Variants in PPARG observed in about 807,000 individuals in gnomAD.
The protein encoded by PPARG is peroxisome proliferator activated receptor gamma.
In PPARG, 17 loss-of-function variants were observed where a neutral mutation model predicts 39.2. The observed-to-expected ratio is 0.43, with a 90% CI of 0.30 to 0.65. PPARG has a LOEUF of 0.65. PPARG is among the 30% of genes least tolerant of loss of function. The pLI, the probability that PPARG is intolerant of heterozygous loss-of-function variation, is 0.13. For synonymous variants in PPARG, 223 were observed against 215.7 expected (o/e 1.03, Z -0.30); for missense variants, 406 against 585.9 (o/e 0.69, Z 3.17).
chr3:12,392,770 A>G lies in PPARG; in HGVS notation c.529+18A>G, dbSNP rs200627174. On this transcript the variant is annotated intron_variant, in intron 5 of 7. Transcript: ENST00000651735. ...TCATAATGGTAAGTAAACAGTCATCACCATATACTTTATTATTCTCATTAT... is the reference window on the plus strand; with the variant it reads ...TCATAATGGTAAGTAAACAGTCATCGCCATATACTTTATTATTCTCATTAT... 10 of 1,613,390 alleles carry G rather than the reference A, an allele frequency of 6.2e-6. No individual in the cohort carries two copies. The highest frequency in any genetic ancestry group is 2.2e-5 in the East Asian group (1 of 44,834).
chr3:12,410,953 C>A (rs1348413235), intron 6 of PPARG, among the ~76,000 whole-genome samples: 1 of 152,154 alleles, frequency 6.6e-6, no homozygotes, highest in Non-Finnish European at 1.5e-5. Context: ...GCAGAATCCT[C>A]AGAGAAAGGG....
intron 1 of PPARG, among the ~76,000 whole-genome samples, chr3:12,306,873 T>C (rs1315987132): frequency 6.6e-6 from 1 of 152,080 alleles, no homozygotes; most frequent in East Asian, 1.9e-4. Flanking sequence ...CCGAGGCTGG[T>C]GGATCACGAG....
intron 7 of PPARG, among the ~76,000 whole-genome samples, chr3:12,423,706 G>A (rs1415040823): frequency 6.6e-6 from 1 of 152,124 alleles, no homozygotes; most frequent in Non-Finnish European, 1.5e-5. Flanking sequence ...CAATCAGCCC[G>A]CTTTCTCCCA....
intron 2 of PPARG, among the ~76,000 whole-genome samples, chr3:12,349,646 A>ATTGGCAATGAATAT (rs374379195): frequency 2.2e-4 from 33 of 152,224 alleles, no homozygotes; most frequent in African/African-American, 8.0e-4. Context: ...CACATATTAT[A>ATTGGCAATGAATAT]TTGGCAATGA....
Position 12,318,416 on chromosome 3 carries a change from G to A in PPARG, c.-9+5963G>A, listed in dbSNP as rs1264037726. Among the ~76,000 whole-genome samples, 4 of 151,980 alleles carry A rather than the reference G, an allele frequency of 2.6e-5. No homozygotes were observed. The East Asian group carries it at 5.8e-4, about 22-fold the overall frequency. ...TTGAAAATGCAGATTTAACAAAGTA[G>A]GACTTTCATAGAGATAAGTTCAAAT... is the stretch of plus-strand genomic sequence containing the variant. On this transcript the variant is annotated intron_variant, in intron 2 of 7. Transcript: ENST00000651735.
intron 1 of PPARG, among the ~76,000 whole-genome samples, chr3:12,296,254 C>CAAAAAAAAAAAAAAAAAAAAAA (rs545210244): frequency 2.1e-5 from 1 of 48,628 alleles, no homozygotes; most frequent in African/African-American, 8.1e-5. Context: ...CACTTTGTCT[C>CAAAAAAAAAAAAAAAAAAAAAA]AAAAAAAAAA....
chr3:12,394,559 G>A (rs2050190835), intron 5 of PPARG, among the ~76,000 whole-genome samples: 1 of 152,056 alleles, frequency 6.6e-6, no homozygotes. Context: ...ATCTTGATAG[G>A]GAGTGTTTGT....
intron 2 of PPARG, among the ~76,000 whole-genome samples, chr3:12,338,637 A>G (rs2048085842): frequency 6.6e-6 from 1 of 152,206 alleles, no homozygotes; most frequent in South Asian, 2.1e-4. Flanking sequence ...CTGCTATAGC[A>G]TATACTTTTG....
intron 1 of PPARG, among the ~76,000 whole-genome samples, chr3:12,291,135 C>T (rs2046638515): frequency 6.6e-6 from 1 of 152,192 alleles, no homozygotes; most frequent in African/African-American, 2.4e-5. Flanking sequence ...TTTTTAAAAA[C>T]TCACTAATAG....
chr3:12,357,916 G>A (rs1376139551), intron 2 of PPARG, among the ~76,000 whole-genome samples: 1 of 152,152 alleles, frequency 6.6e-6, no homozygotes, highest in Non-Finnish European at 1.5e-5. Context: ...CACATAATAA[G>A]TATAATCAGG....
At position 12,416,991 on chromosome 3, in the gene PPARG, A is replaced by G. The variant is rs371491950; in HGVS notation, c.1017A>G (p.Ile339Met). The change falls in exon 7 of 8, where the codon ATA (isoleucine) becomes ATG (methionine). Residue 339 changes from isoleucine to methionine, a missense_variant. Physicochemically the swap from Ile to Met is conservative, Grantham distance 10 (BLOSUM62 1). Coordinates refer to ENST00000651735, the MANE Select transcript of PPARG (RefSeq NM_138711.6). ...ASLMNKDGVLISEGQGFMTRE... is the reference protein window; with the variant it reads ...ASLMNKDGVLMSEGQGFMTRE... ...TGATGAATAAAGATGGGGTTCTCATATCCGAGGGCCAAGGCTTCATGACAA... is the reference window on the plus strand; with the variant it reads ...TGATGAATAAAGATGGGGTTCTCATGTCCGAGGGCCAAGGCTTCATGACAA... 2 of 1,613,966 alleles carry G rather than the reference A, an allele frequency of 1.2e-6. No individual in the cohort carries two copies. The highest frequency in any genetic ancestry group is 2.7e-5 in the African/African-American group (2 of 74,918).
intron 2 of PPARG, among the ~76,000 whole-genome samples, chr3:12,344,413 A>T (rs367552013): frequency 0.017 from 2 of 118 alleles, no homozygotes; most frequent in East Asian, 0.5. Flanking sequence ...TTTAGACTGA[A>T]CCATCTACTA....
At chr3:12,350,521 A>G (rs2048450878) in intron 2 of PPARG, among the ~76,000 whole-genome samples, 1 of 152,210 alleles carries the variant, frequency 6.6e-6, no homozygotes, top group South Asian at 2.1e-4. Flanking sequence ...CGTCTTTGAA[A>G]GTCCGCAAAG....
chr3:12,380,677 T>A (rs1195989645), intron 3 of PPARG, among the ~76,000 whole-genome samples: 1 of 152,208 alleles, frequency 6.6e-6, no homozygotes, highest in African/African-American at 2.4e-5. Context: ...GTTATATTTA[T>A]CTATGCGGTT....
chr3:12,342,070 G>T (rs781172849), intron 2 of PPARG, among the ~76,000 whole-genome samples: 1 of 152,144 alleles, frequency 6.6e-6, no homozygotes, highest in Non-Finnish European at 1.5e-5. Context: ...ATTTTACCAT[G>T]GCTGATGGTC....
chr3:12,309,456 T>G (rs2047165643), intron 1 of PPARG, among the ~76,000 whole-genome samples: 1 of 152,152 alleles, frequency 6.6e-6, no homozygotes, highest in South Asian at 2.1e-4. Flanking sequence ...AATTAACATT[T>G]TATTTATTAT....
chr3:12,391,330 A>C (rs2050069864), intron 4 of PPARG, among the ~76,000 whole-genome samples: 1 of 152,168 alleles, frequency 6.6e-6, no homozygotes, highest in African/African-American at 2.4e-5. Context: ...ATTGGAAAGG[A>C]GAAAAACTGG....
chr3:12,369,548 C>A (rs981924997), intron 2 of PPARG, among the ~76,000 whole-genome samples: 2 of 151,994 alleles, frequency 1.3e-5, no homozygotes, highest in Non-Finnish European at 2.9e-5. Flanking sequence ...GTATTCTTAT[C>A]CATTGACTTC....
In PPARG at chr3:12,405,950, G is replaced by T. The variant is rs763647203; in HGVS notation, c.598G>T (p.Asp200Tyr). The stretch of plus-strand genomic sequence containing the variant: ...GTTGGCGGAGATCTCCAGTGATATC[G>T]ACCAGCTGAATCCAGAGTCCGCTGA... ...KLLAEISSDI[D>Y]QLNPESADLR... The change falls in exon 6 of 8, where the codon GAC becomes TAC. Residue 200 changes from aspartate (D) to tyrosine (Y), a missense_variant. Around this residue, in one of 2 missense-constraint regions of PPARG, gnomAD observed 275 missense variants for 458.0 expected, o/e 0.60. Coordinates refer to ENST00000651735, the MANE Select transcript of PPARG (RefSeq NM_138711.6). 2 of 1,614,114 alleles carry T rather than the reference G, an allele frequency of 1.2e-6. No individual in the cohort carries two copies. The highest frequency in any genetic ancestry group is 1.1e-5 in the South Asian group (1 of 91,068).
Sources: allele counts gnomAD v4.1 joint callset (sites outside exome capture counted in the v4.1 genomes callset), GRCh38; gene constraint gnomAD v4.1.1; regional missense constraint gnomAD v4.1.1; transcripts MANE v1.5; gene names NCBI Gene and HGNC (gene_info 2026-07-23, HGNC 2026-07-21).